Variants in ARHGEF7 observed in about 807,000 individuals in gnomAD.
ARHGEF7 encodes Rho guanine nucleotide exchange factor 7.
ARHGEF7 carries 33 observed loss-of-function variants against 109.8 expected under a neutral mutation model. That is an observed-to-expected ratio of 0.30 (90% CI 0.23 to 0.40). The LOEUF (loss-of-function observed/expected upper bound fraction) is 0.40, where lower values mean the gene tolerates loss of function less well. Ranked by LOEUF, ARHGEF7 falls within the 10% of genes least tolerant of loss-of-function variation. The pLI, the probability that ARHGEF7 is intolerant of heterozygous loss-of-function variation, is 1.00. For synonymous variants in ARHGEF7, 458 were observed against 424.6 expected, an observed-to-expected ratio of 1.08 and a Z score of -0.97; for missense variants, 938 against 1,098.5, an observed-to-expected ratio of 0.85 and a Z score of 2.07.
At chr13:111,134,127 C>CT (rs1200324552) in intron 1 of ARHGEF7, among the ~76,000 whole-genome samples, 1 of 151,870 alleles carries the variant, frequency 6.6e-6, no homozygotes, top group South Asian at 2.1e-4. Flanking sequence ...TGAACTCATC[C>CT]TTTTTTATGG....
intron 6 of ARHGEF7, among the ~76,000 whole-genome samples, chr13:111,241,660 G>A (rs1026761231): frequency 6.6e-6 from 1 of 152,190 alleles, no homozygotes; most frequent in Admixed American, 6.5e-5. Flanking sequence ...GTGCTGTGAC[G>A]GACAAAAGGT....
intron 2 of ARHGEF7, among the ~76,000 whole-genome samples, chr13:111,190,337 CT>C (rs2079732879): frequency 6.6e-6 from 1 of 152,190 alleles, no homozygotes; most frequent in African/African-American, 2.4e-5. Flanking sequence ...CTTCAGAAGC[CT>C]TTTCCCGTAA....
intron 21 of ARHGEF7, among the ~76,000 whole-genome samples, chr13:111,301,739 GA>G (rs2093573375): frequency 6.6e-6 from 1 of 152,034 alleles, no homozygotes; most frequent in Non-Finnish European, 1.5e-5. Context: ...CTGAAAATAC[GA>G]AAATTAGCTG....
At chr13:111,142,430 G>C (rs562277023) in intron 1 of ARHGEF7, among the ~76,000 whole-genome samples, 16 of 1,666 alleles carry the variant, frequency 9.6e-3, no homozygotes, top group East Asian at 0.015. Context: ...CATTTCCCAA[G>C]TACAGATTGC....
At chr13:111,267,377 C>T (rs2091744053) in intron 8 of ARHGEF7, among the ~76,000 whole-genome samples, 171 bp from the exon 9 acceptor site, 1 of 152,048 alleles carries the variant, frequency 6.6e-6, no homozygotes, top group Non-Finnish European at 1.5e-5. Flanking sequence ...CGCCCCTTCT[C>T]CTTGCTAGAC....
intron 8 of ARHGEF7, among the ~76,000 whole-genome samples, chr13:111,246,008 G>A (rs983366825): frequency 6.6e-6 from 1 of 152,340 alleles, no homozygotes; most frequent in East Asian, 1.9e-4. Flanking sequence ...AGGGCTTTGA[G>A]GCTTTGTCAC....
intron 1 of ARHGEF7, among the ~76,000 whole-genome samples, chr13:111,125,289 A>G (rs1379118394): frequency 6.6e-6 from 1 of 152,086 alleles, no homozygotes; most frequent in Non-Finnish European, 1.5e-5. Context: ...TAAAATTACT[A>G]GAGAAAACAA....
chr13:111,170,368 G>A (rs976077116), intron 2 of ARHGEF7, among the ~76,000 whole-genome samples: 1 of 152,232 alleles, frequency 6.6e-6, no homozygotes, highest in African/African-American at 2.4e-5. Flanking sequence ...AAAGTGCTGG[G>A]ATTATAGGCG....
At chr13:111,150,036 C>T (rs1468056704) in intron 1 of ARHGEF7, among the ~76,000 whole-genome samples, 1 of 152,172 alleles carries the variant, frequency 6.6e-6, no homozygotes, top group African/African-American at 2.4e-5. Flanking sequence ...AGGAAGATGT[C>T]AGTAAGAGCA....
At chr13:111,210,555 A>G (rs2082370745) in intron 4 of ARHGEF7, among the ~76,000 whole-genome samples, 2 of 152,140 alleles carry the variant, frequency 1.3e-5, no homozygotes, top group African/African-American at 4.8e-5. Flanking sequence ...GTGAAAAAAT[A>G]CTCGTTTAAA....
At chr13:111,223,952 G>C (rs1020617624) in intron 5 of ARHGEF7, among the ~76,000 whole-genome samples, 3 of 151,696 alleles carry the variant, frequency 2.0e-5, no homozygotes, top group Non-Finnish European at 2.9e-5. Context: ...CACCTCCTGG[G>C]TTCAAGCGAT....
intron 2 of ARHGEF7, among the ~76,000 whole-genome samples, chr13:111,176,448 C>T (rs2078168406): frequency 1.3e-5 from 2 of 152,140 alleles, no homozygotes; most frequent in Non-Finnish European, 2.9e-5. Flanking sequence ...GATGGCCGGC[C>T]CCTGGAACTT....
At position 111,150,487 on chromosome 13, in the gene ARHGEF7, C is replaced by G. The variant is rs140484530; in HGVS notation, c.166-3418C>G. Among the ~76,000 whole-genome samples the G allele has an allele frequency of 9.6e-4, 146 of 152,290 alleles. 2 individuals are homozygous for G. In the East Asian group the frequency reaches 0.025, roughly 26 times the overall value. Reference sequence around the variant, plus strand: ...CATTGAAACCTTCTCCACTTATTTGCCTTGCAATATGCATTGTTTTTTTAC... The same window carrying G: ...CATTGAAACCTTCTCCACTTATTTGGCTTGCAATATGCATTGTTTTTTTAC... On this transcript the variant is annotated intron_variant, in intron 1 of 21. Coordinates refer to ENST00000646102, the MANE Select transcript of ARHGEF7 (RefSeq NM_001354046.2).
At chr13:111,204,966 G>GTGCT (rs1555364914) in intron 2 of ARHGEF7, among the ~76,000 whole-genome samples, 2 of 152,148 alleles carry the variant, frequency 1.3e-5, no homozygotes, top group Non-Finnish European at 2.9e-5. Flanking sequence ...CGCAAGCACC[G>GTGCT]TGCTTGCTTG....
At chr13:111,149,423 C>T (rs1257745997) in intron 1 of ARHGEF7, among the ~76,000 whole-genome samples, 1 of 152,084 alleles carries the variant, frequency 6.6e-6, no homozygotes, top group Non-Finnish European at 1.5e-5. Flanking sequence ...TGGCTTAATA[C>T]TCTTAAATGT....
intron 18 of ARHGEF7, among the ~76,000 whole-genome samples, chr13:111,291,035 C>G (rs761604961): frequency 6.6e-6 from 1 of 152,228 alleles, no homozygotes; most frequent in Non-Finnish European, 1.5e-5. Context: ...AACCAAACTT[C>G]CTTGGTATTG....
intron 3 of ARHGEF7, among the ~76,000 whole-genome samples, chr13:111,209,562 C>CT (rs530254315): frequency 4.2e-4 from 64 of 151,916 alleles, no homozygotes; most frequent in Non-Finnish European, 7.6e-4. Flanking sequence ...ATTTGAGAGG[C>CT]TTTTTTTTCC....
chr13:111,295,055 A>G, intron 19 of ARHGEF7: 2 of 985,682 alleles, frequency 2.0e-6, no homozygotes, highest in South Asian at 9.4e-5. Flanking sequence ...GAAAAACTCA[A>G]TTGGATGTAT....
At position 111,239,945 on chromosome 13, in the gene ARHGEF7, C is replaced by G. The variant is rs1405591197; in HGVS notation, c.760-3927C>G. Among the ~76,000 whole-genome samples the G allele has an allele frequency of 6.6e-6, 1 of 152,118 alleles. No homozygotes were observed. The highest frequency in any genetic ancestry group is 2.4e-5 in the African/African-American group (1 of 41,412). On this transcript the variant is annotated intron_variant, in intron 6 of 21. Coordinates refer to ENST00000646102, the MANE Select transcript of ARHGEF7 (RefSeq NM_001354046.2). The surrounding 1 kb of genome is among the most constrained non-coding windows in gnomAD (Gnocchi z 4.3). ...GAAGGAGTCATTTAAGAAGCAGCTC[C>G]AAGTAAGACTCTACATTGGGCTGGA... is the stretch of plus-strand genomic sequence containing the variant.
Sources: gnomAD v4.1 joint callset for allele counts (sites outside exome capture counted in the v4.1 genomes callset) on GRCh38, gnomAD v4.1.1 for gene constraint, Gnocchi (gnomAD v3.1) non-coding constraint, MANE v1.5 for transcripts, NCBI Gene and HGNC (gene_info 2026-07-23, HGNC 2026-07-21) for gene names.